ABCB4: variants seen among roughly 807,000 people sequenced by gnomAD.
ABCB4 encodes the protein ATP binding cassette subfamily B member 4.
ABCB4 carries 76 observed loss-of-function variants against 145.7 expected under a neutral mutation model. The ratio of observed to expected loss-of-function variants is 0.52; its 90% confidence interval spans 0.43 to 0.63. ABCB4 has a LOEUF of 0.63. ABCB4 is among the 30% of genes least tolerant of loss of function. ABCB4 has a pLI of 0.00. For missense variants in ABCB4, 1,234 were observed against 1,553.1 expected, an observed-to-expected ratio of 0.79 and a Z score of 3.45; for synonymous variants, 517 against 566.8, an observed-to-expected ratio of 0.91 and a Z score of 1.25.
At chr7:87,443,525 A>G (rs1584747842) in intron 11 of ABCB4, 81 bp from the exon 12 acceptor site, 1 of 1,333,206 alleles carries the variant, frequency 7.5e-7, no homozygotes, top group East Asian at 2.4e-5. Context: ...TTGAAATTTG[A>G]AAAAAAAGTA....
chr7:87,452,028 A>G (rs1283838248), intron 6 of ABCB4, among the ~76,000 whole-genome samples: 3 of 152,232 alleles, frequency 2.0e-5, no homozygotes, highest in Non-Finnish European at 4.4e-5. Context: ...CTATTAAATG[A>G]GTCAATCCTA....
At chr7:87,422,386 T>C (rs1809507411) in intron 17 of ABCB4, among the ~76,000 whole-genome samples, 161 bp from the exon 18 acceptor site, 1 of 152,182 alleles carries the variant, frequency 6.6e-6, no homozygotes, top group Non-Finnish European at 1.5e-5. Flanking sequence ...AATTTACCAT[T>C]TTAACCATTT....
At chr7:87,472,017 T>A (rs1813450891) in intron 3 of ABCB4, among the ~76,000 whole-genome samples, 1 of 152,220 alleles carries the variant, frequency 6.6e-6, no homozygotes. Context: ...CTTGAAATTG[T>A]TGAGTTTGCA....
chr7:87,401,592 G>A, downstream of ABCB4: 1 of 211,568 alleles, frequency 4.7e-6, no homozygotes, highest in South Asian at 7.1e-5. Context: ...AGCTCGGTAG[G>A]GCAATTTCAT....
chr7:87,429,089 A>G (rs1161220795), intron 15 of ABCB4, among the ~76,000 whole-genome samples: 1 of 152,212 alleles, frequency 6.6e-6, no homozygotes, highest in African/African-American at 2.4e-5. Context: ...GGTCTTTGAA[A>G]CTTGAGAAAA....
the ABCB4 span, among the ~76,000 whole-genome samples, chr7:87,384,880 G>A: frequency 6.6e-6 from 1 of 152,148 alleles, no homozygotes; most frequent in Admixed American, 6.5e-5. Context: ...ATTTTGATTT[G>A]AATTTTGTAC....
At chr7:87,425,432 T>G (rs980016017) in intron 16 of ABCB4, among the ~76,000 whole-genome samples, 1 of 152,202 alleles carries the variant, frequency 6.6e-6, no homozygotes, top group Admixed American at 6.5e-5. Context: ...TTATTCTTCT[T>G]TCTATAAATA....
the ABCB4 span, among the ~76,000 whole-genome samples, chr7:87,395,160 A>C: frequency 3.3e-5 from 5 of 152,204 alleles, no homozygotes; most frequent in African/African-American, 4.8e-5. Context: ...CAAGAAAGCC[A>C]GTTTGAGTCC....
At chr7:87,438,471 G>T (rs1308241182) in intron 14 of ABCB4, among the ~76,000 whole-genome samples, 1 of 152,126 alleles carries the variant, frequency 6.6e-6, no homozygotes, top group Non-Finnish European at 1.5e-5. Flanking sequence ...ATATTGGTTA[G>T]GTGCAGTGGC....
intron 17 of ABCB4, 97 bp downstream of exon 17, chr7:87,423,809 G>T: frequency 6.7e-7 from 1 of 1,502,624 alleles, no homozygotes; most frequent in Non-Finnish European, 9.3e-7. Flanking sequence ...ATTTAAGGCT[G>T]CTTAATCCCA....
In ABCB4 at chr7:87,401,822, C is replaced by A; in HGVS notation, c.*274G>T. 3.5e-6 allele frequency: 2 copies of A among 570,124 alleles called. No homozygotes were observed. The highest frequency in any genetic ancestry group is 1.6e-5 in the South Asian group (1 of 61,904). 35.3% of individuals were successfully genotyped at this position (570,124 alleles called of 1,614,324 possible). Reference sequence around the variant, plus strand: ...TGTCTGTGGCTTCTATATTTCTACACCTGTACTTACCTTGAATTTTGTTCT... The same window carrying A: ...TGTCTGTGGCTTCTATATTTCTACAACTGTACTTACCTTGAATTTTGTTCT... On this transcript the variant is annotated 3_prime_UTR_variant, in exon 28 of 28. Coordinates refer to ENST00000649586, the MANE Select transcript of ABCB4 (RefSeq NM_000443.4).
chr7:87,407,991 C>A (rs1420061596), intron 25 of ABCB4, 46 bp downstream of exon 25: 1 of 1,607,132 alleles, frequency 6.2e-7, no homozygotes, highest in Non-Finnish European at 8.5e-7. Flanking sequence ...TTGGTTGGGC[C>A]AATTAAAATA....
At chr7:87,420,641 T>C (rs1320498028) in intron 18 of ABCB4, among the ~76,000 whole-genome samples, 2 of 152,210 alleles carry the variant, frequency 1.3e-5, no homozygotes, top group African/African-American at 2.4e-5. Context: ...TATATTCACA[T>C]TGATTTTACA....
In ABCB4 at chr7:87,409,319, C is replaced by T; in HGVS notation, c.2998G>A (p.Ala1000Thr). The change falls in exon 24 of 28, where the codon GCT (alanine) becomes ACT (threonine). Residue 1000 changes from alanine (A) to threonine (T), a missense_variant. By Grantham distance (58) the Ala-to-Thr change is moderately conservative. Transcript: ENST00000649586. The stretch of plus-strand genomic sequence containing the variant: ...AATAAGTGGGCTGCAGACAGCTTAG[C>T]TTTAGCATAGTCTGGAGCAAATGAA... ...ASSFAPDYAK[A>T]KLSAAHLFML... 1 of 1,614,066 alleles carries T rather than the reference C, an allele frequency of 6.2e-7. No individual in the cohort carries two copies. Among genetic ancestry groups the T allele is most frequent in the Non-Finnish European group, 8.5e-7 (1 of 1,179,996 alleles).
intron 25 of ABCB4, 108 bp downstream of exon 25, chr7:87,407,929 T>C: frequency 1.4e-6 from 2 of 1,428,224 alleles, no homozygotes; most frequent in Non-Finnish European, 1.9e-6. Flanking sequence ...GGTCATTGTA[T>C]CAAACAGGAT....
At chr7:87,382,812 A>C in the ABCB4 span, among the ~76,000 whole-genome samples, 1 of 152,158 alleles carries the variant, frequency 6.6e-6, no homozygotes, top group African/African-American at 2.4e-5. Flanking sequence ...TTTGGCATTC[A>C]GATCGCTTGG....
At chr7:87,367,715 CCTCT>C in the ABCB4 span, among the ~76,000 whole-genome samples, 2 of 152,074 alleles carry the variant, frequency 1.3e-5, no homozygotes, top group East Asian at 3.9e-4. Flanking sequence ...TTTGCATTAT[CCTCT>C]CTCTCTGCTG....
At chr7:87,368,187 C>T in the ABCB4 span, among the ~76,000 whole-genome samples, 24 of 152,272 alleles carry the variant, frequency 1.6e-4, no homozygotes, top group African/African-American at 4.8e-4. Context: ...AACACTTCTG[C>T]GGGTATTTAC....
chr7:87,467,502 C>T (rs1812999590), intron 3 of ABCB4, among the ~76,000 whole-genome samples: 1 of 152,174 alleles, frequency 6.6e-6, no homozygotes, highest in Non-Finnish European at 1.5e-5. Context: ...CAGAAGTTAA[C>T]AAGGATATCC....
Sources: allele counts gnomAD v4.1 joint callset (sites outside exome capture counted in the v4.1 genomes callset), GRCh38; gene constraint gnomAD v4.1.1; transcripts MANE v1.5; gene names NCBI Gene and HGNC (gene_info 2026-07-23, HGNC 2026-07-21).